The following CHL1 variants were observed in gnomAD, a reference collection of about 807,000 sequenced individuals.
CHL1 encodes cell adhesion molecule L1 like.
A neutral mutation model predicts 141.9 loss-of-function variants in CHL1; 96 were observed. The ratio of observed to expected loss-of-function variants is 0.68; its 90% CI spans 0.57 to 0.80. The LOEUF (loss-of-function observed/expected upper bound fraction) is 0.80. Among genes scored for constraint, CHL1 ranks in the 30% least tolerant of loss-of-function variants. The probability of loss-of-function intolerance (pLI) is 0.00; values close to 1 mark genes in which losing one functional copy is unlikely to be tolerated. For missense variants in CHL1, 1,820 were observed against 1,457.2 expected (o/e 1.25, Z -4.05); for synonymous variants, 613 against 502.2 (o/e 1.22, Z -2.95).
intron 5 of CHL1, among the ~76,000 whole-genome samples, chr3:340,111 T>G (rs979965911): frequency 1.3e-5 from 2 of 152,218 alleles, no homozygotes; most frequent in Non-Finnish European, 2.9e-5. Context: ...ATTCTGATTA[T>G]AACTGCATTG....
chr3:260,965 CCTTATT>C (rs765747961), intron 2 of CHL1, among the ~76,000 whole-genome samples: 7 of 152,142 alleles, frequency 4.6e-5, no homozygotes, highest in Non-Finnish European at 8.8e-5. Context: ...ATTCCGTCGG[CCTTATT>C]TATTGTTTAT....
intron 15 of CHL1, among the ~76,000 whole-genome samples, chr3:368,533 T>C (rs1019231249): frequency 1.3e-5 from 2 of 152,220 alleles, no homozygotes; most frequent in African/African-American, 2.4e-5. Flanking sequence ...TTTCTGTCAT[T>C]CTGTAGGTTG....
At chr3:267,584 C>A (rs1358600034) in intron 2 of CHL1, among the ~76,000 whole-genome samples, 2 of 151,864 alleles carry the variant, frequency 1.3e-5, no homozygotes, top group Non-Finnish European at 2.9e-5. Context: ...TGTAAAATTC[C>A]TTTTTTGAGG....
intron 10 of CHL1, among the ~76,000 whole-genome samples, chr3:351,293 C>G (rs1703233558): frequency 1.3e-5 from 2 of 152,196 alleles, no homozygotes; most frequent in Non-Finnish European, 2.9e-5. Context: ...CATAAAACAG[C>G]TATTAGCACT....
In CHL1 at chr3:344,578, C is replaced by T. The variant is rs972559708; in HGVS notation, c.728-11C>T. The stretch of plus-strand genomic sequence containing the variant: ...TTGAAAAAATTCTGACTTTTCTTTT[C>T]TATTTTGTAGCAAATTCCATCAAGC... On this transcript the variant is annotated splice_polypyrimidine_tract_variant and intron_variant, in intron 8 of 27. Coordinates refer to ENST00000256509, the MANE Select transcript of CHL1 (RefSeq NM_006614.4). 1 of 1,597,238 alleles carries T rather than the reference C, an allele frequency of 6.3e-7. No homozygotes were observed. The highest frequency in any genetic ancestry group is 1.8e-5 in the Admixed American group (1 of 56,050).
At chr3:285,695 T>C (rs1051318842) in intron 2 of CHL1, among the ~76,000 whole-genome samples, 2 of 152,170 alleles carry the variant, frequency 1.3e-5, no homozygotes, top group African/African-American at 2.4e-5. Context: ...TTGAATGAAA[T>C]ACTATGTATA....
intron 4 of CHL1, among the ~76,000 whole-genome samples, chr3:327,141 T>A (rs1449376666): frequency 6.6e-6 from 1 of 151,942 alleles, no homozygotes; most frequent in Non-Finnish European, 1.5e-5. Flanking sequence ...GTAAAATAAG[T>A]CAGGAGGGTG....
intron 16 of CHL1, among the ~76,000 whole-genome samples, chr3:381,524 T>C (rs1392162731): frequency 6.6e-6 from 1 of 152,122 alleles, no homozygotes; most frequent in Non-Finnish European, 1.5e-5. Context: ...ATAGGCAAAA[T>C]AGTAAATTAG....
chr3:338,586 A>G (rs1177519986), intron 5 of CHL1, among the ~76,000 whole-genome samples: 1 of 152,212 alleles, frequency 6.6e-6, no homozygotes, highest in Non-Finnish European at 1.5e-5. Flanking sequence ...TCAAAGGATA[A>G]GACATAAAAA....
intron 1 of CHL1, among the ~76,000 whole-genome samples, chr3:243,113 T>C (rs967066715): frequency 6.6e-6 from 1 of 152,188 alleles, no homozygotes; most frequent in Non-Finnish European, 1.5e-5. Flanking sequence ...ATCACTGGGA[T>C]AAAGAACATT....
chr3:309,229 G>A (rs977189422), intron 2 of CHL1: 1 of 152,928 alleles, frequency 6.5e-6, no homozygotes, highest in East Asian at 2.0e-4. Flanking sequence ...CTGGCAGTGC[G>A]CACCCCAGCT....
intron 1 of CHL1, among the ~76,000 whole-genome samples, chr3:202,639 G>T (rs1699062503): frequency 6.6e-6 from 1 of 152,128 alleles, no homozygotes; most frequent in South Asian, 2.1e-4. Flanking sequence ...CATCACCTTA[G>T]ATTTGCGTAC....
At chr3:389,536 C>T in intron 20 of CHL1, 62 bp downstream of exon 20, 3 of 1,263,196 alleles carry the variant, frequency 2.4e-6, no homozygotes, top group Non-Finnish European at 3.4e-6. Context: ...ATATATTGTA[C>T]TTCAATCAAC....
Position 391,686 on chromosome 3 carries a change from C to A in CHL1, c.2803C>A (p.Pro935Thr). ...CTTGTGTTTTCTAGTACCTGAACAG[C>A]CAACTTTTCTAAAGGTCATCAAAGT... ...FQTPEGVPEQPTFLKVIKVDK... is the reference protein window; with the variant it reads ...FQTPEGVPEQTTFLKVIKVDK... Residue 935 changes from proline to threonine, a missense_variant, in exon 23 of 28, where the codon CCA becomes ACA. By Grantham distance (38) the Pro-to-Thr change is conservative (BLOSUM62 -1). Transcript: ENST00000256509. The A allele has an allele frequency of 6.2e-7, 1 of 1,602,888 alleles. No individual in the cohort carries two copies. The highest frequency in any genetic ancestry group is 8.5e-7 in the Non-Finnish European group (1 of 1,174,822).
At chr3:299,133 C>T (rs1050521035) in intron 2 of CHL1, among the ~76,000 whole-genome samples, 6 of 152,018 alleles carry the variant, frequency 3.9e-5, no homozygotes, top group Non-Finnish European at 5.9e-5. Context: ...TCCTGGTTTC[C>T]GTGAGTTTTT....
intron 1 of CHL1, among the ~76,000 whole-genome samples, chr3:228,888 T>C (rs963557298): frequency 5.3e-5 from 8 of 152,190 alleles, no homozygotes; most frequent in Non-Finnish European, 1.0e-4. Context: ...TAAAAAGTAT[T>C]GTCCACTAAG....
At chr3:335,508 A>G (rs569596702) in intron 5 of CHL1, among the ~76,000 whole-genome samples, 192 of 152,334 alleles carry the variant, frequency 1.3e-3, no homozygotes, top group Middle Eastern at 3.4e-3. Flanking sequence ...ATGTGCACTC[A>G]GTAGCATGCA....
intron 3 of CHL1, among the ~76,000 whole-genome samples, chr3:320,722 A>T (rs1011852653): frequency 6.6e-6 from 1 of 152,050 alleles, no homozygotes; most frequent in Admixed American, 6.6e-5. Context: ...AACTAAAAAA[A>T]TCTGCAAACA....
intron 18 of CHL1, 57 bp downstream of exon 18, chr3:382,728 A>C: frequency 2.8e-6 from 4 of 1,433,832 alleles, no homozygotes; most frequent in Non-Finnish European, 2.9e-6. Flanking sequence ...CCCATCTTTG[A>C]ACATCTAAAA....
Sources: allele counts gnomAD v4.1 joint callset (sites outside exome capture counted in the v4.1 genomes callset), GRCh38; gene constraint gnomAD v4.1.1; transcripts MANE v1.5; gene names NCBI Gene and HGNC (gene_info 2026-07-23, HGNC 2026-07-21).